Variants in TNNI3K observed in about 807,000 individuals in gnomAD.
TNNI3K encodes serine/threonine-protein kinase TNNI3K.
Under a neutral mutation model 114.5 loss-of-function variants are expected in TNNI3K, and 140 were observed. That is an observed-to-expected ratio of 1.22 (90% CI 1.07 to 1.41). The LOEUF (loss-of-function observed/expected upper bound fraction) is 1.41, where lower values mean the gene tolerates loss of function less well. Ranked by LOEUF, TNNI3K falls within the 40% of genes most tolerant of loss-of-function variation. The pLI is 0.00. For missense variants in TNNI3K, 1,125 were observed against 1,007.6 expected, an observed-to-expected ratio of 1.12 and a Z score of -1.58; for synonymous variants, 347 against 347.5, an observed-to-expected ratio of 1.00 and a Z score of 0.02.
chr1:74,333,758 GAGT>G (rs1260859092), intron 6 of TNNI3K, among the ~76,000 whole-genome samples: 5 of 152,198 alleles, frequency 3.3e-5, no homozygotes, highest in African/African-American at 1.2e-4. Context: ...TTAAGTGGAA[GAGT>G]AGATGTTTTG....
chr1:74,393,732 T>C (rs1286956189), intron 17 of TNNI3K, among the ~76,000 whole-genome samples: 1 of 151,876 alleles, frequency 6.6e-6, no homozygotes, highest in African/African-American at 2.4e-5. Flanking sequence ...AAGTGGGGGA[T>C]GGGGGCCCTG....
intron 5 of TNNI3K, among the ~76,000 whole-genome samples, chr1:74,297,475 CT>C (rs1409240062): frequency 1.3e-5 from 2 of 151,600 alleles, no homozygotes. Context: ...GATGAGGGCT[CT>C]CACCAGAACC....
chr1:74,353,463 T>C, intron 10 of TNNI3K, 103 bp downstream of exon 10: 1 of 1,203,398 alleles, frequency 8.3e-7, no homozygotes, highest in East Asian at 2.5e-5. Flanking sequence ...TCAACTCCAG[T>C]GGGAAAGGGT....
intron 21 of TNNI3K, among the ~76,000 whole-genome samples, chr1:74,466,306 T>A (rs138493231): frequency 6.6e-6 from 1 of 152,290 alleles, no homozygotes; most frequent in East Asian, 1.9e-4. Flanking sequence ...TTTGATGAAG[T>A]GTCTCTTCAT....
At chr1:74,465,417 A>G (rs1667629200) in intron 21 of TNNI3K, among the ~76,000 whole-genome samples, 1 of 152,136 alleles carries the variant, frequency 6.6e-6, no homozygotes, top group African/African-American at 2.4e-5. Context: ...GCAGCTGCAG[A>G]GGGTGGGCCA....
intron 6 of TNNI3K, among the ~76,000 whole-genome samples, chr1:74,333,663 A>G (rs1660326876): frequency 6.6e-6 from 1 of 152,208 alleles, no homozygotes; most frequent in African/African-American, 2.4e-5. Flanking sequence ...ATTTGCTAAA[A>G]TATGCTGACA....
chr1:74,343,034 A>G (rs1660827713), intron 8 of TNNI3K, 41 bp from the exon 9 acceptor site: 1 of 1,613,420 alleles, frequency 6.2e-7, no homozygotes, highest in East Asian at 2.2e-5. Flanking sequence ...TACTGCATGT[A>G]CTTGCTTACA....
chr1:74,263,746 G>T (rs896131147), intron 4 of TNNI3K, among the ~76,000 whole-genome samples: 3 of 151,860 alleles, frequency 2.0e-5, no homozygotes, highest in Non-Finnish European at 4.4e-5. Context: ...GATCAGGAAG[G>T]TTTCTGAAAC....
Position 74,336,007 on chromosome 1 carries a change from T to G in TNNI3K, c.544-4T>G. On this transcript the variant is annotated splice_polypyrimidine_tract_variant and splice_region_variant and intron_variant, in intron 6 of 24. Coordinates refer to ENST00000326637, the MANE Select transcript of TNNI3K (RefSeq NM_015978.3). The stretch of plus-strand genomic sequence containing the variant: ...TACTGATTTCAAATGAATAAATCCT[T>G]TAGGTAACTCGCCTTCTTTTGAAAT... 6.4e-7 allele frequency: 1 copy of G among 1,568,176 alleles called. No individual in the cohort carries two copies. The highest frequency in any genetic ancestry group is 8.6e-7 in the Non-Finnish European group (1 of 1,165,916).
chr1:74,275,318 C>T (rs977903270), intron 5 of TNNI3K, among the ~76,000 whole-genome samples: 19 of 152,038 alleles, frequency 1.2e-4, no homozygotes, highest in East Asian at 5.8e-4. Context: ...ATAAATGAGA[C>T]GAAAAAGCAG....
chr1:74,417,933 G>A (rs988807018), intron 17 of TNNI3K, among the ~76,000 whole-genome samples: 3 of 152,072 alleles, frequency 2.0e-5, no homozygotes, highest in African/African-American at 7.2e-5. Flanking sequence ...GATACATGAA[G>A]CTCAACATGT....
At chr1:74,464,836 C>A in intron 21 of TNNI3K, 1 of 1,438,396 alleles carries the variant, frequency 7.0e-7, no homozygotes, top group Non-Finnish European at 9.1e-7. Context: ...GAAAGCGGTC[C>A]TTTTTGTTTA....
In TNNI3K at chr1:74,514,285, CTA is replaced by C. The variant is rs145896506; in HGVS notation, c.2351+22021_2351+22022del. Among the ~76,000 whole-genome samples the C allele has an allele frequency of 2.3e-3, 345 of 152,242 alleles. 11 individuals are homozygous for C. The East Asian group carries it at 0.058, about 26-fold the overall frequency. On this transcript the variant is annotated intron_variant, in intron 23 of 24. Transcript: ENST00000326637. ...TGTTTTAAAGCGTTTTCACACAATTCTATGTATTTGTCAGAGGCTTACAAGCT... is the reference window on the plus strand; with the variant it reads ...TGTTTTAAAGCGTTTTCACACAATTCTGTATTTGTCAGAGGCTTACAAGCT...
chr1:74,411,005 T>C (rs538084754), intron 17 of TNNI3K, among the ~76,000 whole-genome samples: 177 of 152,314 alleles, frequency 1.2e-3, no homozygotes, highest in Middle Eastern at 3.4e-3. Context: ...CTTTGTGTAG[T>C]CATACCTTAA....
intron 17 of TNNI3K, chr1:74,373,267 T>C (rs1307164270): frequency 1.3e-5 from 2 of 151,886 alleles, no homozygotes; most frequent in African/African-American, 4.8e-5. Context: ...AAGATGAAAG[T>C]TGAGTAGAAT....
At chr1:74,375,751 C>T (rs890635987) in intron 17 of TNNI3K, 7 of 361,268 alleles carry the variant, frequency 1.9e-5, no homozygotes, top group Middle Eastern at 9.6e-4. Context: ...CTTAAAACCC[C>T]CATCCTCAAG....
chr1:74,426,290 G>A (rs752306567), intron 17 of TNNI3K, among the ~76,000 whole-genome samples: 1 of 152,058 alleles, frequency 6.6e-6, no homozygotes, highest in African/African-American at 2.4e-5. Flanking sequence ...CTCATTTGTG[G>A]CTCCTTCTGA....
intron 4 of TNNI3K, among the ~76,000 whole-genome samples, chr1:74,255,878 A>T (rs562711517): frequency 6.6e-6 from 1 of 152,118 alleles, no homozygotes; most frequent in African/African-American, 2.4e-5. Flanking sequence ...TACATCCAGT[A>T]TGTTTTCTTT....
At chr1:74,472,385 G>C (rs1189167308) in intron 21 of TNNI3K, among the ~76,000 whole-genome samples, 1 of 152,138 alleles carries the variant, frequency 6.6e-6, no homozygotes, top group African/African-American at 2.4e-5. Flanking sequence ...GTTTTGCAAT[G>C]ACACTCTTTA....
Sources: gnomAD v4.1 joint callset for allele counts (sites outside exome capture counted in the v4.1 genomes callset) on GRCh38, gnomAD v4.1.1 for gene constraint, MANE v1.5 for transcripts, NCBI Gene and HGNC (gene_info 2026-07-23, HGNC 2026-07-21) for gene names.